Variants in KIAA1549L observed in about 807,000 individuals in gnomAD.
The protein encoded by KIAA1549L is KIAA1549 like.
KIAA1549L carries 88 observed loss-of-function variants against 160.7 expected under a neutral mutation model. The ratio of observed to expected loss-of-function variants is 0.55; its 90% CI spans 0.46 to 0.65. KIAA1549L has a LOEUF of 0.65. Among genes scored for constraint, KIAA1549L ranks in the 30% least tolerant of loss-of-function variants. The pLI, the probability that KIAA1549L is intolerant of heterozygous loss-of-function variation, is 0.00. For missense variants in KIAA1549L, 2,258 were observed against 2,437.5 expected, an observed-to-expected ratio of 0.93 and a Z score of 1.55; for synonymous variants, 950 against 976.7, an observed-to-expected ratio of 0.97 and a Z score of 0.51.
intron 1 of KIAA1549L, among the ~76,000 whole-genome samples, chr11:33,416,049 C>T (rs1038601896): frequency 6.6e-6 from 1 of 152,062 alleles, no homozygotes; most frequent in African/African-American, 2.4e-5. Context: ...ACTAATCAAC[C>T]AACCAACCAA....
At chr11:33,514,022 A>G (rs562846359) in intron 1 of KIAA1549L, among the ~76,000 whole-genome samples, 3 of 152,364 alleles carry the variant, frequency 2.0e-5, no homozygotes, top group African/African-American at 7.2e-5. Context: ...TGACAAAGGA[A>G]GATGATGCTA....
intron 1 of KIAA1549L, among the ~76,000 whole-genome samples, chr11:33,425,522 G>A (rs1233061098): frequency 6.6e-6 from 1 of 152,142 alleles, no homozygotes; most frequent in Non-Finnish European, 1.5e-5. Flanking sequence ...TTTCCTTATG[G>A]AACATAAGCT....
intron 16 of KIAA1549L, among the ~76,000 whole-genome samples, chr11:33,638,429 A>T (rs865888984): frequency 4.4e-4 from 8 of 18,124 alleles, no homozygotes; most frequent in South Asian, 3.4e-3. Context: ...AAATAAAAAA[A>T]AAAAAAATAA....
rs1163277972 is a variant in KIAA1549L at position 33,628,535 on chromosome 11, T to C, written c.5409+9873T>C. Among the ~76,000 whole-genome samples, 357 of 149,164 alleles carry C rather than the reference T, an allele frequency of 2.4e-3. 6 individuals carry two copies. Among genetic ancestry groups the C allele is most frequent in the African/African-American group, 8.3e-3 (331 of 39,642 alleles). ...TGTTGAATTGATCCCTTTACCATTA[T>C]GTAATGGCCTTCTTTGTCTCTTTTG... On this transcript the variant is annotated intron_variant, in intron 16 of 20. Coordinates refer to ENST00000658780, the MANE Select transcript of KIAA1549L (RefSeq NM_012194.3).
chr11:33,528,720 A>G (rs1853669964), intron 1 of KIAA1549L, among the ~76,000 whole-genome samples: 1 of 152,254 alleles, frequency 6.6e-6, no homozygotes, highest in South Asian at 2.1e-4. Context: ...TAAGTGAAGT[A>G]ACTTGGGAAT....
At chr11:33,510,948 G>C (rs1201819011) in intron 1 of KIAA1549L, among the ~76,000 whole-genome samples, 2 of 152,252 alleles carry the variant, frequency 1.3e-5, no homozygotes, top group Non-Finnish European at 1.5e-5. Flanking sequence ...GAGTCATGCA[G>C]ACTGAGTTCA....
At chr11:33,377,078 G>T (rs1849970591) in intron 1 of KIAA1549L, among the ~76,000 whole-genome samples, 189 bp downstream of exon 1, 1 of 152,212 alleles carries the variant, frequency 6.6e-6, no homozygotes, top group Admixed American at 6.5e-5. Context: ...AAAAAAAAAG[G>T]AGCAATCGCC....
intron 1 of KIAA1549L, among the ~76,000 whole-genome samples, chr11:33,505,314 A>C (rs1279229758): frequency 6.6e-6 from 1 of 152,190 alleles, no homozygotes; most frequent in Non-Finnish European, 1.5e-5. Context: ...TTGTCAGGAG[A>C]ATCTCCAGTG....
chr11:33,579,590 TG>T (rs1855567729), intron 10 of KIAA1549L, among the ~76,000 whole-genome samples: 1 of 152,184 alleles, frequency 6.6e-6, no homozygotes, highest in Non-Finnish European at 1.5e-5. Context: ...GCCCCAGGAC[TG>T]GGGACACTGA....
At chr11:33,461,560 A>G (rs1851944015) in intron 1 of KIAA1549L, among the ~76,000 whole-genome samples, 1 of 152,180 alleles carries the variant, frequency 6.6e-6, no homozygotes, top group Admixed American at 6.5e-5. Flanking sequence ...CAGGCATTTC[A>G]TTCTTCTTCA....
intron 1 of KIAA1549L, among the ~76,000 whole-genome samples, chr11:33,538,812 G>A (rs1853951250): frequency 1.3e-5 from 2 of 151,844 alleles, no homozygotes; most frequent in African/African-American, 4.9e-5. Flanking sequence ...TCTAGTTAAA[G>A]AGTAAAAAAA....
intron 1 of KIAA1549L, among the ~76,000 whole-genome samples, chr11:33,407,085 T>TCA (rs1359272496): frequency 8.7e-5 from 12 of 138,660 alleles, no homozygotes; most frequent in African/African-American, 2.7e-4. Flanking sequence ...TTTTTCATTT[T>TCA]TTTTTTTTTT....
chr11:33,417,284 C>T (rs931732273), intron 1 of KIAA1549L, among the ~76,000 whole-genome samples: 2 of 152,136 alleles, frequency 1.3e-5, no homozygotes, highest in South Asian at 2.1e-4. Flanking sequence ...GTGGCACTGC[C>T]GCACAGGCAC....
rs1404516470 is a variant in KIAA1549L at position 33,543,310 on chromosome 11, G to A, written c.1747G>A (p.Ala583Thr). 6.2e-7 allele frequency: 1 copy of A among 1,613,910 alleles called. No individual in the cohort carries two copies. The highest frequency in any genetic ancestry group is 8.5e-7 in the Non-Finnish European group (1 of 1,179,908). The change falls in exon 2 of 21, where the codon GCC becomes ACC. Residue 583 changes from alanine to threonine, a missense_variant. Coordinates refer to ENST00000658780, the MANE Select transcript of KIAA1549L (RefSeq NM_012194.3). ...EEANVTIPLQ[A>T]FPRKEVLSLH... ...GGCAAATGTGACGATTCCTCTCCAGGCCTTTCCAAGGAAAGAGGTTTTGAG... is the reference window on the plus strand; with the variant it reads ...GGCAAATGTGACGATTCCTCTCCAGACCTTTCCAAGGAAAGAGGTTTTGAG...
intron 1 of KIAA1549L, among the ~76,000 whole-genome samples, chr11:33,410,533 C>T (rs1264619059): frequency 6.6e-6 from 1 of 152,216 alleles, no homozygotes; most frequent in Non-Finnish European, 1.5e-5. Context: ...TGGTTCTGAA[C>T]CACCTGCCTC....
At chr11:33,554,728 A>G (rs1419973117) in intron 6 of KIAA1549L, among the ~76,000 whole-genome samples, 1 of 152,088 alleles carries the variant, frequency 6.6e-6, no homozygotes, top group African/African-American at 2.4e-5. Flanking sequence ...AGGCCTGACT[A>G]CTCCTGAAAC....
At chr11:33,445,798 A>G (rs922970454) in intron 1 of KIAA1549L, among the ~76,000 whole-genome samples, 3 of 152,328 alleles carry the variant, frequency 2.0e-5, no homozygotes, top group South Asian at 2.1e-4. Context: ...AGTGTCTGGC[A>G]TAAACAGGAC....
chr11:33,420,235 G>T (rs2476458), intron 1 of KIAA1549L, among the ~76,000 whole-genome samples: 4,732 of 45,988 alleles, frequency 0.1, 368 homozygotes, highest in Non-Finnish European at 0.13. Flanking sequence ...TTTTTTTTTT[G>T]TTTTTTTTTT....
intron 1 of KIAA1549L, among the ~76,000 whole-genome samples, chr11:33,496,632 C>T (rs1238915890): frequency 6.6e-6 from 1 of 152,204 alleles, no homozygotes; most frequent in African/African-American, 2.4e-5. Flanking sequence ...TTCCCAACAA[C>T]TTGTCTTGCT....
Sources: allele counts gnomAD v4.1 joint callset (sites outside exome capture counted in the v4.1 genomes callset), GRCh38; gene constraint gnomAD v4.1.1; transcripts MANE v1.5; gene names NCBI Gene and HGNC (gene_info 2026-07-23, HGNC 2026-07-21).